Variants in KIF9 observed in about 807,000 individuals in gnomAD.
KIF9 encodes kinesin-like protein KIF9.
In KIF9, 68 loss-of-function variants were observed where a neutral mutation model predicts 94.8. The ratio of observed to expected loss-of-function variants is 0.72; its 90% CI spans 0.59 to 0.88. The LOEUF is 0.88. Ranked by LOEUF, KIF9 falls within the 40% of genes least tolerant of loss-of-function variation. KIF9 has a pLI of 0.00. For synonymous variants in KIF9, 343 were observed against 362.1 expected, an observed-to-expected ratio of 0.95 and a Z score of 0.60; for missense variants, 882 against 982.5, an observed-to-expected ratio of 0.90 and a Z score of 1.37.
At position 47,236,454 on chromosome 3, in the gene KIF9, C is replaced by A. The variant is rs761158394; in HGVS notation, c.2090G>T (p.Arg697Leu). The change falls in exon 18 of 21, where the codon CGC becomes CTC. Residue 697 changes from arginine (R) to leucine (L), a missense_variant. By Grantham distance (102) the Arg-to-Leu change is moderately radical. Coordinates refer to ENST00000684063, the MANE Select transcript of KIF9 (RefSeq NM_182902.4). ...CQHLVDQCRH[R>L]LLMEFDIWYN... is the part of the protein sequence containing the mutation. ...CCCAACTGTCGCACCCATGAGCAGG[C>A]GGTGGCGACACTGATCCACTAGGTG... The A allele has an allele frequency of 1.9e-6, 3 of 1,613,020 alleles. No homozygotes were observed. Among genetic ancestry groups the A allele is most frequent in the East Asian group, 2.2e-5 (1 of 44,888 alleles).
intron 17 of KIF9, chr3:47,239,540 C>T (rs1159685475): frequency 2.7e-6 from 3 of 1,093,032 alleles, no homozygotes; most frequent in Non-Finnish European, 3.4e-6. Flanking sequence ...TAAGAATGGC[C>T]CCAAGAATTA....
At chr3:47,261,830 A>C (rs186551368) in intron 9 of KIF9, among the ~76,000 whole-genome samples, 1 of 152,338 alleles carries the variant, frequency 6.6e-6, no homozygotes, top group African/African-American at 2.4e-5. Context: ...ATGCAGGGCC[A>C]AGTCAGACTC....
chr3:47,231,539 T>C (rs1698591104), intron 20 of KIF9, among the ~76,000 whole-genome samples: 1 of 150,642 alleles, frequency 6.6e-6, no homozygotes, highest in Admixed American at 6.7e-5. Context: ...GCCTCCCAAG[T>C]AGCTGGGATT....
chr3:47,239,681 G>A (rs1699322057), intron 17 of KIF9: 3 of 1,151,672 alleles, frequency 2.6e-6, no homozygotes, highest in Admixed American at 3.2e-5. Flanking sequence ...TCTGCCTCCT[G>A]GGCTCAAGCG....
intron 20 of KIF9, among the ~76,000 whole-genome samples, chr3:47,231,220 G>A (rs1698548462): frequency 2.0e-5 from 3 of 151,892 alleles, no homozygotes; most frequent in Admixed American, 6.6e-5. Context: ...TTCCCTTCAT[G>A]ATTGAGAAAA....
intron 10 of KIF9, among the ~76,000 whole-genome samples, chr3:47,249,941 A>G (rs1176905351): frequency 6.6e-6 from 1 of 152,084 alleles, no homozygotes; most frequent in Non-Finnish European, 1.5e-5. Flanking sequence ...CCCAACTACT[A>G]GAGAGGCTAA....
Position 47,241,770 on chromosome 3 carries a change from TATATATAC to T in KIF9, c.1710-763_1710-756del, listed in dbSNP as rs1699526925. Among the ~76,000 whole-genome samples the T allele has an allele frequency of 2.1e-5, 3 of 144,294 alleles. No homozygotes were observed. The South Asian group carries it at 6.4e-4, about 31-fold the overall frequency. 94.7% of individuals were successfully genotyped at this position (144,294 alleles called of 152,430 possible). ...ATATACGTATATATACATATATACG[TATATATAC>T]ATGTATATACGTGTATATATGTATA... On this transcript the variant is annotated intron_variant, in intron 16 of 20. Transcript: ENST00000684063.
chr3:47,239,028 A>G lies in KIF9; in HGVS notation c.1924+1773T>C, dbSNP rs925106899. On this transcript the variant is annotated intron_variant, in intron 17 of 20. Coordinates refer to ENST00000684063, the MANE Select transcript of KIF9 (RefSeq NM_182902.4). ...AGCCTGACCAACATGGAGAAACCCC[A>G]TCTCTACTAAAAACACAAAATTACC... Among the ~76,000 whole-genome samples, 6 of 152,136 alleles carry G rather than the reference A, an allele frequency of 3.9e-5. No individual in the cohort carries two copies. The East Asian group carries it at 1.2e-3, about 29-fold the overall frequency.
At chr3:47,242,150 G>T (rs1699614403) in intron 16 of KIF9, among the ~76,000 whole-genome samples, 1 of 152,014 alleles carries the variant, frequency 6.6e-6, no homozygotes, top group Non-Finnish European at 1.5e-5. Flanking sequence ...AATGTGCTGG[G>T]ATTACAAGCA....
chr3:47,243,035 A>G lies in KIF9; in HGVS notation c.1709+16T>C. ...TTTTGTTTGATCTGGTGCAGAAGCT[A>G]ACATTAGCTGATTACCTAATTGGGC... On this transcript the variant is annotated intron_variant, in intron 16 of 20. Coordinates refer to ENST00000684063, the MANE Select transcript of KIF9 (RefSeq NM_182902.4). 1.3e-6 allele frequency: 2 copies of G among 1,584,220 alleles called. No individual in the cohort carries two copies. Among genetic ancestry groups the G allele is most frequent in the Non-Finnish European group, 1.7e-6 (2 of 1,155,672 alleles).
chr3:47,265,893 C>T lies in KIF9; in HGVS notation c.769-16G>A, dbSNP rs771432765. The T allele has an allele frequency of 2.9e-5, 46 of 1,613,908 alleles. No individual in the cohort carries two copies. The Middle Eastern group carries it at 4.9e-4, about 17-fold the overall frequency. ...GGCCCTCAGACTACAAAGCAAAGGT[C>T]AGTTCCACTTTGGATGGAATAAAGC... is the stretch of plus-strand genomic sequence containing the variant. On this transcript the variant is annotated splice_polypyrimidine_tract_variant and intron_variant, in intron 7 of 20. Coordinates refer to ENST00000684063, the MANE Select transcript of KIF9 (RefSeq NM_182902.4).
chr3:47,268,064 G>A (rs1440158384), intron 5 of KIF9, among the ~76,000 whole-genome samples: 1 of 151,850 alleles, frequency 6.6e-6, no homozygotes. Flanking sequence ...TAGAGACAGG[G>A]TTTCACCATG....
At chr3:47,231,404 C>CT (rs34079988) in intron 20 of KIF9, among the ~76,000 whole-genome samples, 33,546 of 79,436 alleles carry the variant, frequency 0.42, 9,986 homozygotes, top group Non-Finnish European at 0.5. Flanking sequence ...TCAGTATCTA[C>CT]TTTTTTTTTT....
chr3:47,247,021 G>T (rs1699968108), intron 12 of KIF9, among the ~76,000 whole-genome samples: 1 of 152,122 alleles, frequency 6.6e-6, no homozygotes, highest in Non-Finnish European at 1.5e-5. Flanking sequence ...GCTTCATTCT[G>T]CGGACACAGT....
At chr3:47,265,228 A>T (rs1297843627) in intron 8 of KIF9, among the ~76,000 whole-genome samples, 1 of 152,116 alleles carries the variant, frequency 6.6e-6, no homozygotes, top group African/African-American at 2.4e-5. Flanking sequence ...CAGGGCAGGG[A>T]GGGGCAGGGA....
At chr3:47,258,966 G>A (rs1700788778) in intron 9 of KIF9, among the ~76,000 whole-genome samples, 1 of 152,164 alleles carries the variant, frequency 6.6e-6, no homozygotes, top group Non-Finnish European at 1.5e-5. Context: ...GTGGCCAGTG[G>A]CTGCCATAGT....
At position 47,265,688 on chromosome 3, in the gene KIF9, GAC is replaced by G. The variant is rs1241019256; in HGVS notation, c.916+40_916+41del. 2.5e-6 allele frequency: 4 copies of G among 1,603,794 alleles called. No individual in the cohort carries two copies. The African/African-American group carries it at 5.4e-5, about 21-fold the overall frequency. On this transcript the variant is annotated intron_variant, in intron 8 of 20. Transcript: ENST00000684063. ...TGTGCCAAACCTGTCCCTCCCCAAA[GAC>G]ACAGACCCTCCTCCCTGGGCAGCAA...
chr3:47,250,805 T>A (rs1302603129), intron 10 of KIF9, among the ~76,000 whole-genome samples: 1 of 152,190 alleles, frequency 6.6e-6, no homozygotes, highest in Non-Finnish European at 1.5e-5. Flanking sequence ...GACACCTGGA[T>A]CCTGGGACTG....
intron 5 of KIF9, among the ~76,000 whole-genome samples, chr3:47,267,681 G>T (rs977525561): frequency 6.6e-6 from 1 of 152,136 alleles, no homozygotes; most frequent in Non-Finnish European, 1.5e-5. Context: ...TATTATAGCT[G>T]ATCTAAGAAA....
Sources: allele counts gnomAD v4.1 joint callset (sites outside exome capture counted in the v4.1 genomes callset), GRCh38; gene constraint gnomAD v4.1.1; transcripts MANE v1.5; gene names NCBI Gene and HGNC (gene_info 2026-07-23, HGNC 2026-07-21).